TIPARP: variants seen among roughly 807,000 people sequenced by gnomAD.
The protein encoded by TIPARP is TCDD inducible poly(ADP-ribose) polymerase, also known as protein mono-ADP-ribosyltransferase TIPARP.
In TIPARP, 12 loss-of-function variants were observed where a neutral mutation model predicts 56.5. The observed-to-expected ratio is 0.21, with a 90% CI of 0.14 to 0.34. TIPARP has a LOEUF of 0.34. Among genes scored for constraint, TIPARP ranks in the 10% least tolerant of loss-of-function variants. TIPARP has a pLI of 1.00. For synonymous variants in TIPARP, 296 were observed against 265.7 expected (o/e 1.11, Z -1.11); for missense variants, 604 against 781.6 (o/e 0.77, Z 2.71).
In TIPARP at chr3:156,677,658, A is replaced by T. The variant is rs185395359; in HGVS notation, c.-40A>T. 327 of 1,507,888 alleles carry T rather than the reference A, an allele frequency of 2.2e-4. 3 individuals carry two copies. Among genetic ancestry groups the T allele is most frequent in the Middle Eastern group, 1.6e-3 (9 of 5,612 alleles). The allele number at this position is 1,507,888 out of a possible 1,614,324, so 93.4% of individuals were successfully genotyped here. A position where few individuals can be genotyped will look rare whatever the true frequency, so the allele number is the denominator to read the frequency against. ...TCATCTTCCTTCCTTTCCTCGTAGG[A>T]TTTTTAGACTCTGAGGAGCAGTTGG... On this transcript the variant is annotated splice_region_variant and 5_prime_UTR_variant, in exon 2 of 6. Coordinates refer to ENST00000295924, the MANE Select transcript of TIPARP (RefSeq NM_015508.5).
At chr3:156,704,027 A>AT (rs1183459632) in intron 5 of TIPARP, among the ~76,000 whole-genome samples, 1 of 151,742 alleles carries the variant, frequency 6.6e-6, no homozygotes, top group African/African-American at 2.4e-5. Flanking sequence ...AAAAAAAAAA[A>AT]AAAGTTCAAG....
chr3:156,678,375 G>A lies in TIPARP; in HGVS notation c.678G>A (p.Leu226=). Residue 226 remains leucine, a synonymous_variant, in exon 2 of 6, where the codon CTG becomes CTA. Coordinates refer to ENST00000295924, the MANE Select transcript of TIPARP (RefSeq NM_015508.5). ...EEASLDLVFE[L]VNQLQYHTHQ... The stretch of plus-strand genomic sequence containing the variant: ...CTTCCCTTGACCTCGTGTTTGAGCT[G>A]GTGAACCAGTTGCAGTACCACACTC... 1.2e-6 allele frequency: 2 copies of A among 1,614,202 alleles called. No individual in the cohort carries two copies. The highest frequency in any genetic ancestry group is 1.7e-6 in the Non-Finnish European group (2 of 1,180,022).
At chr3:156,695,114 T>G (rs953368967) in intron 3 of TIPARP, among the ~76,000 whole-genome samples, 9 of 152,162 alleles carry the variant, frequency 5.9e-5, no homozygotes, top group Non-Finnish European at 1.3e-4. Context: ...AAATGTACTC[T>G]CAGAATACTC....
intron 2 of TIPARP, among the ~76,000 whole-genome samples, chr3:156,683,091 T>C (rs1722344266): frequency 6.6e-6 from 1 of 152,314 alleles, no homozygotes; most frequent in East Asian, 1.9e-4. Context: ...TTGAAGCAGC[T>C]GCCACCTGGC....
In TIPARP at chr3:156,674,634, CGAG is replaced by C. The variant is rs1309137332; in HGVS notation, c.-202_-200del. ...GAGCTGGCTGGACTCGGAGCGCGGT[CGAG>C]GCTTTCTGCGTTCGCGGCGGCGGAA... On this transcript the variant is annotated 5_prime_UTR_variant, in exon 1 of 6. Coordinates refer to ENST00000295924, the MANE Select transcript of TIPARP (RefSeq NM_015508.5). 1 of 152,660 alleles carries C rather than the reference CGAG, an allele frequency of 6.6e-6. No individual in the cohort carries two copies. The highest frequency in any genetic ancestry group is 2.4e-5 in the African/African-American group (1 of 41,470). The allele number at this position is 152,660 out of a possible 1,614,324, so 9.5% of individuals were successfully genotyped here. A position where few individuals can be genotyped will look rare whatever the true frequency, so the allele number is the denominator to read the frequency against.
rs140631438 is a variant in TIPARP, at chr3:156,704,693, A to T, written c.1536A>T (p.Glu512Asp). The T allele has an allele frequency of 6.2e-7, 1 of 1,612,394 alleles. No homozygotes were observed. The highest frequency in any genetic ancestry group is 2.2e-5 in the East Asian group (1 of 44,886). Residue 512 changes from glutamate (E) to aspartate (D), a missense_variant, in exon 6 of 6, where the codon GAA (glutamate) becomes GAT (aspartate). Transcript: ENST00000295924. ...FLWEKYKRKKEYMNRKMFGRD... is the reference protein window; with the variant it reads ...FLWEKYKRKKDYMNRKMFGRD... ...CTGTTCTTTCCATTAGGAAAAAGGAATATATGAACAGGAAAATGTTTGGCC... is the reference window on the plus strand; with the variant it reads ...CTGTTCTTTCCATTAGGAAAAAGGATTATATGAACAGGAAAATGTTTGGCC...
intron 2 of TIPARP, chr3:156,681,335 G>A: frequency 2.8e-6 from 1 of 360,518 alleles, no homozygotes; most frequent in South Asian, 2.0e-5. Context: ...GCAGTCTTTG[G>A]ATTCAGAAAT....
intron 4 of TIPARP, among the ~76,000 whole-genome samples, chr3:156,697,422 CTT>C (rs60091681): frequency 3.7e-4 from 52 of 140,298 alleles, no homozygotes; most frequent in African/African-American, 1.3e-3. Context: ...AATATGCCCT[CTT>C]TTTTTTTTTT....
Position 156,704,788 on chromosome 3 carries a change from A to G in TIPARP, c.1631A>G (p.Lys544Arg), listed in dbSNP as rs1477929991. 6.2e-7 allele frequency: 1 copy of G among 1,614,146 alleles called. No individual in the cohort carries two copies. Among genetic ancestry groups the G allele is most frequent in the Admixed American group, 1.7e-5 (1 of 60,012 alleles). Residue 544 changes from lysine to arginine, a missense_variant, in exon 6 of 6, where the codon AAA (lysine) becomes AGA (arginine). By Grantham distance (26) the Lys-to-Arg change is conservative. Around this residue, in one of 4 missense-constraint regions of TIPARP, gnomAD observed 77 missense variants for 161.0 expected, o/e 0.48. Transcript: ENST00000295924. ...CAGGATGTGGTAGATGGAATCTGCA[A>G]ACACAACTTTGACCCTCGAGTCTGT... ...TSQDVVDGIC[K>R]HNFDPRVCGK...
At chr3:156,675,373 G>C (rs911177713) in intron 1 of TIPARP, 9 of 152,328 alleles carry the variant, frequency 5.9e-5, no homozygotes, top group African/African-American at 1.9e-4. Context: ...CCCAAGACCC[G>C]TTGGACGCTC....
chr3:156,678,402 C>T lies in TIPARP; in HGVS notation c.705C>T (p.His235=), dbSNP rs1722206061. Residue 235 remains histidine (H), a synonymous_variant, in exon 2 of 6, where the codon CAC becomes CAT. Coordinates refer to ENST00000295924, the MANE Select transcript of TIPARP (RefSeq NM_015508.5). ...ELVNQLQYHT[H]QENGIEICMD... ...TGAACCAGTTGCAGTACCACACTCA[C>T]CAAGAGAACGGAATTGAAATTTGCA... 6.2e-7 allele frequency: 1 copy of T among 1,614,218 alleles called. No homozygotes were observed. Among genetic ancestry groups the T allele is most frequent in the Non-Finnish European group, 8.5e-7 (1 of 1,180,026 alleles).
rs541389206 is a variant in TIPARP, at chr3:156,695,652, GA to G, written c.1087-210del. Among the ~76,000 whole-genome samples, 35 of 152,098 alleles carry G rather than the reference GA, an allele frequency of 2.3e-4. No individual in the cohort carries two copies. In the East Asian group the frequency reaches 6.6e-3, roughly 29 times the overall value. On this transcript the variant is annotated intron_variant, in intron 3 of 5. Coordinates refer to ENST00000295924, the MANE Select transcript of TIPARP (RefSeq NM_015508.5). Reference sequence around the variant, plus strand: ...TGGGCCCCACATGTTTTGTAAGGTGGAAATCCATGCCTTATGAACAGGGAGC... The same window carrying G: ...TGGGCCCCACATGTTTTGTAAGGTGGAATCCATGCCTTATGAACAGGGAGC...
intron 2 of TIPARP, among the ~76,000 whole-genome samples, chr3:156,687,313 AATAG>A (rs1483123745): frequency 1.3e-5 from 2 of 152,190 alleles, no homozygotes; most frequent in African/African-American, 4.8e-5. Context: ...CACTACCATA[AATAG>A]ATGGCAGTGA....
intron 2 of TIPARP, among the ~76,000 whole-genome samples, chr3:156,688,606 C>T (rs1399764150): frequency 6.6e-6 from 1 of 151,662 alleles, no homozygotes; most frequent in Non-Finnish European, 1.5e-5. Context: ...ACATAGTTTT[C>T]TGAAGTTTAA....
In TIPARP at chr3:156,695,889, G is replaced by A. The variant is rs1168397565; in HGVS notation, c.1111G>A (p.Ala371Thr). The A allele has an allele frequency of 3.3e-6, 5 of 1,529,192 alleles. No homozygotes were observed. In the Admixed American group the frequency reaches 6.0e-5, roughly 18 times the overall value. 94.7% of individuals were successfully genotyped at this position (1,529,192 alleles called of 1,614,324 possible). A position where few individuals can be genotyped will look rare whatever the true frequency, so the allele number is the denominator to read the frequency against. The change falls in exon 4 of 6, where the codon GCC (alanine) becomes ACC (threonine). Residue 371 changes from alanine (A) to threonine (T), a missense_variant. By Grantham distance (58) the Ala-to-Thr change is moderately conservative (BLOSUM62 0). Transcript: ENST00000295924. The part of the protein sequence containing the change: ...PESVIRLIEE[A>T]NSRGLKEVRF... The stretch of plus-strand genomic sequence containing the variant: ...GTCTGTCATTCGATTGATTGAAGAA[G>A]CCAACTCTCGGGGTCTGAAAGAGGT...
Position 156,678,242 on chromosome 3 carries a change from T to C in TIPARP, c.545T>C (p.Ile182Thr). The change falls in exon 2 of 6, where the codon ATA becomes ACA. Residue 182 changes from isoleucine to threonine, a missense_variant. Physicochemically the swap from Ile to Thr is moderately conservative, Grantham distance 89 (BLOSUM62 -1). Coordinates refer to ENST00000295924, the MANE Select transcript of TIPARP (RefSeq NM_015508.5). ...PTSPDCLDKV[I>T]DYVPGIFQEN... ...AGTCCTGACTGCTTAGACAAAGTCA[T>C]AGATTATGTTCCAGGCATTTTCCAA... The C allele has an allele frequency of 7.4e-6, 12 of 1,614,170 alleles. No individual in the cohort carries two copies. The highest frequency in any genetic ancestry group is 1.0e-5 in the Non-Finnish European group (12 of 1,180,040).
At chr3:156,682,514 TA>T (rs1305596742) in intron 2 of TIPARP, among the ~76,000 whole-genome samples, 1 of 152,226 alleles carries the variant, frequency 6.6e-6, no homozygotes, top group African/African-American at 2.4e-5. Context: ...ACAGAAACTC[TA>T]TATAAAAGAG....
chr3:156,676,947 G>T (rs186661853), intron 1 of TIPARP, among the ~76,000 whole-genome samples: 32 of 152,146 alleles, frequency 2.1e-4, no homozygotes, highest in African/African-American at 7.7e-4. Context: ...TGCAGTGGTT[G>T]TTGCTAATGG....
chr3:156,694,827 T>G (rs1316267377), intron 3 of TIPARP, among the ~76,000 whole-genome samples: 1 of 152,198 alleles, frequency 6.6e-6, no homozygotes, highest in African/African-American at 2.4e-5. Flanking sequence ...GAGATTAATT[T>G]CACATTCCAA....
Sources: allele counts gnomAD v4.1 joint callset (sites outside exome capture counted in the v4.1 genomes callset), GRCh38; gene constraint gnomAD v4.1.1; regional missense constraint gnomAD v4.1.1; transcripts MANE v1.5; gene names NCBI Gene and HGNC (gene_info 2026-07-23, HGNC 2026-07-21).